STAG3: variants seen among roughly 807,000 people sequenced by gnomAD.
STAG3 encodes the protein cohesin subunit SA-3.
In STAG3, 101 loss-of-function variants were observed where a neutral mutation model predicts 160.7. The observed-to-expected ratio is 0.63, with a 90% CI of 0.54 to 0.74. The LOEUF (loss-of-function observed/expected upper bound fraction) is 0.74. Ranked by LOEUF, STAG3 falls within the 30% of genes least tolerant of loss-of-function variation. The pLI is 0.00. For missense variants in STAG3, 1,188 were observed against 1,517.4 expected (o/e 0.78, Z 3.61); for synonymous variants, 519 against 585.0 (o/e 0.89, Z 1.63).
chr7:100,182,571 A>G, intron 3 of STAG3, 152 bp from the exon 4 acceptor site: 1 of 817,410 alleles, frequency 1.2e-6, no homozygotes, highest in South Asian at 1.7e-5. Flanking sequence ...ACAATATAAA[A>G]ATCAATTATT....
chr7:100,182,757 T>C lies in STAG3; in HGVS notation c.254T>C (p.Val85Ala). The C allele has an allele frequency of 6.2e-7, 1 of 1,613,952 alleles. No homozygotes were observed. Among genetic ancestry groups the C allele is most frequent in the Non-Finnish European group, 8.5e-7 (1 of 1,179,908 alleles). Residue 85 changes from valine (V) to alanine (A), a missense_variant, in exon 4 of 34, where the codon GTA becomes GCA. Val to Ala is a moderately conservative substitution (Grantham distance 64). Transcript: ENST00000615138. ...AKHPKKGSRV[V>A]HRHSRKQSEP... ...CATCCAAAGAAAGGGTCCCGAGTGGTACATCGTCATAGCCGGAAACAGTCA... is the reference window on the plus strand; with the variant it reads ...CATCCAAAGAAAGGGTCCCGAGTGGCACATCGTCATAGCCGGAAACAGTCA...
At chr7:100,209,971 T>C (rs894656697) in intron 29 of STAG3, among the ~76,000 whole-genome samples, 1 of 152,162 alleles carries the variant, frequency 6.6e-6, no homozygotes, top group African/African-American at 2.4e-5. Flanking sequence ...ATGGGGGCTG[T>C]TAAGATGGAG....
chr7:100,199,857 C>A (rs1222381671), intron 16 of STAG3, among the ~76,000 whole-genome samples: 2 of 149,820 alleles, frequency 1.3e-5, no homozygotes, highest in Non-Finnish European at 3.0e-5. Flanking sequence ...AGATCGAGAC[C>A]ATCCTGGCTG....
chr7:100,181,257 C>T (rs556443087), intron 2 of STAG3: 1 of 151,986 alleles, frequency 6.6e-6, no homozygotes, highest in East Asian at 1.9e-4. Flanking sequence ...GGTTTTTTAC[C>T]TTTCCAGAAG....
intron 4 of STAG3, among the ~76,000 whole-genome samples, chr7:100,185,728 A>G (rs1799954666): frequency 6.6e-6 from 1 of 152,156 alleles, no homozygotes; most frequent in South Asian, 2.1e-4. Flanking sequence ...TCAAGAAAGA[A>G]TTATTTTTTT....
chr7:100,201,395 A>G lies in STAG3; in HGVS notation c.2220+44A>G, dbSNP rs368646504. On this transcript the variant is annotated intron_variant, in intron 21 of 33. Transcript: ENST00000615138. Reference sequence around the variant, plus strand: ...GATGGGTTGGGGGCTGGGGGGCTAGATTTTAAGGACCTACGTTCTAGGTGG... The same window carrying G: ...GATGGGTTGGGGGCTGGGGGGCTAGGTTTTAAGGACCTACGTTCTAGGTGG... 1.5e-4 allele frequency: 242 copies of G among 1,566,214 alleles called. No homozygotes were observed. The African/African-American group carries it at 2.9e-3, about 19-fold the overall frequency.
intron 10 of STAG3, 162 bp from the exon 11 acceptor site, chr7:100,197,616 A>G (rs186422225): frequency 5.7e-4 from 403 of 702,386 alleles, no homozygotes; most frequent in Non-Finnish European, 1.5e-4. Context: ...TTTTTTAAGT[A>G]AGAAGACAGC....
chr7:100,199,786 T>G, intron 16 of STAG3, 142 bp downstream of exon 16: 1 of 681,904 alleles, frequency 1.5e-6, no homozygotes, highest in East Asian at 2.8e-5. Flanking sequence ...CCAGGCGCAG[T>G]GGCTTACGCC....
intron 1 of STAG3, among the ~76,000 whole-genome samples, chr7:100,179,065 C>T (rs1029421558): frequency 1.3e-5 from 2 of 151,236 alleles, no homozygotes; most frequent in African/African-American, 4.9e-5. Context: ...ATTTTGAACT[C>T]GTAGGGTTAG....
At chr7:100,195,257 T>A in intron 8 of STAG3, 52 bp from the exon 9 acceptor site, 1 of 1,539,364 alleles carries the variant, frequency 6.5e-7, no homozygotes, top group Non-Finnish European at 9.0e-7. Flanking sequence ...CTTCAGGGCC[T>A]TATGCTTGTT....
Position 100,199,255 on chromosome 7 carries a change from C to T in STAG3, c.1468-7C>T, listed in dbSNP as rs779287891. Reference sequence around the variant, plus strand: ...ATCATTAACTCCCCATGCACGTTCTCCCCTAGCTCCATGACCACGCTGCTT... The same window carrying T: ...ATCATTAACTCCCCATGCACGTTCTTCCCTAGCTCCATGACCACGCTGCTT... On this transcript the variant is annotated splice_region_variant and splice_polypyrimidine_tract_variant and intron_variant, in intron 14 of 33. Transcript: ENST00000615138. The T allele has an allele frequency of 3.7e-6, 6 of 1,601,190 alleles. No individual in the cohort carries two copies. In the Admixed American group the frequency reaches 6.7e-5, roughly 18 times the overall value.
intron 8 of STAG3, among the ~76,000 whole-genome samples, chr7:100,191,087 T>G (rs1188017866): frequency 6.6e-6 from 1 of 152,168 alleles, no homozygotes; most frequent in Non-Finnish European, 1.5e-5. Flanking sequence ...ATTGTTCATG[T>G]GATCCAGGAT....
chr7:100,183,929 T>C (rs377754963), intron 4 of STAG3, among the ~76,000 whole-genome samples: 16 of 152,356 alleles, frequency 1.1e-4, no homozygotes, highest in East Asian at 3.9e-4. Context: ...CGTTATTTGA[T>C]TTCTAACTTC....
chr7:100,209,821 G>C (rs1802012314), intron 29 of STAG3, among the ~76,000 whole-genome samples: 1 of 152,202 alleles, frequency 6.6e-6, no homozygotes, highest in South Asian at 2.1e-4. Context: ...GTTGAGGATG[G>C]CTCCAAGGAT....
At chr7:100,213,332 T>C (rs1802440379) in intron 32 of STAG3, 1 of 985,444 alleles carries the variant, frequency 1.0e-6, no homozygotes, top group East Asian at 1.1e-4. Context: ...TATCTTCTGC[T>C]GTTATTCTTC....
rs1800742331 is a variant in STAG3 at position 100,197,167 on chromosome 7, C to T, written c.953C>T (p.Pro318Leu). The T allele has an allele frequency of 1.2e-6, 2 of 1,601,560 alleles. No individual in the cohort carries two copies. Among genetic ancestry groups the T allele is most frequent in the Non-Finnish European group, 1.7e-6 (2 of 1,171,544 alleles). Reference protein sequence around the residue: ...VFVHRYRDVLPEIRAICIEEI... With the variant: ...VFVHRYRDVLLEIRAICIEEI... ...CTGTCTGTGTCTAGGGATGTCCTTC[C>T]TGAGATCCGTGCTATCTGCATTGAG... Residue 318 changes from proline (P) to leucine (L), a missense_variant, in exon 10 of 34, where the codon CCT becomes CTT. By Grantham distance (98) the Pro-to-Leu change is moderately conservative. Coordinates refer to ENST00000615138, the MANE Select transcript of STAG3 (RefSeq NM_001282717.2).
intron 8 of STAG3, 119 bp downstream of exon 8, chr7:100,189,715 A>G (rs367589457): frequency 4.3e-6 from 5 of 1,171,854 alleles, no homozygotes; most frequent in African/African-American, 1.5e-5. Flanking sequence ...GAGTCTGGCA[A>G]TAGTTTCATA....
Position 100,213,792 on chromosome 7 carries a change from G to C in STAG3, c.3658G>C (p.Glu1220Gln), listed in dbSNP as rs1563014509. Residue 1220 changes from glutamate to glutamine, a missense_variant, in exon 33 of 34, where the codon GAG (glutamate) becomes CAG (glutamine). Glu to Gln is a conservative substitution (Grantham distance 29). Around this residue, in one of 4 missense-constraint regions of STAG3, gnomAD observed 647 missense variants for 717.2 expected, o/e 0.90. Coordinates refer to ENST00000615138, the MANE Select transcript of STAG3 (RefSeq NM_001282717.2). ...CGGGCTGGACCTCTTAGATTCTACA[G>C]AGCTGGATATTGAGGTGAGTGTCCC... is the stretch of plus-strand genomic sequence containing the variant. The part of the protein sequence containing the change: ...ERGLDLLDST[E>Q]LDIEDF 3 of 1,614,254 alleles carry C rather than the reference G, an allele frequency of 1.9e-6. No individual in the cohort carries two copies. Among genetic ancestry groups the C allele is most frequent in the African/African-American group, 1.3e-5 (1 of 75,066 alleles).
intron 4 of STAG3, among the ~76,000 whole-genome samples, chr7:100,185,840 CTT>C (rs1799965743): frequency 6.6e-6 from 1 of 152,174 alleles, no homozygotes; most frequent in African/African-American, 2.4e-5. Flanking sequence ...GGATCTGACT[CTT>C]TGCAGGACCC....
Sources: gnomAD v4.1 joint callset for allele counts (sites outside exome capture counted in the v4.1 genomes callset) on GRCh38, gnomAD v4.1.1 for gene constraint, gnomAD v4.1.1 regional missense constraint, MANE v1.5 for transcripts, NCBI Gene and HGNC (gene_info 2026-07-23, HGNC 2026-07-21) for gene names.